Variants in PTBP3 observed in about 807,000 individuals in gnomAD.
PTBP3 encodes the protein polypyrimidine tract binding protein 3, also known as polypyrimidine tract-binding protein 3.
A neutral mutation model predicts 58.7 loss-of-function variants in PTBP3; 20 were observed. The ratio of observed to expected loss-of-function variants is 0.34; its 90% CI spans 0.24 to 0.50. The LOEUF (loss-of-function observed/expected upper bound fraction) is 0.50, where lower values mean the gene tolerates loss of function less well. PTBP3 is among the 20% of genes least tolerant of loss of function. The probability of loss-of-function intolerance (pLI) is 0.98; values close to 1 mark genes in which losing one functional copy is unlikely to be tolerated. For synonymous variants in PTBP3, 185 were observed against 219.8 expected, an observed-to-expected ratio of 0.84 and a Z score of 1.40; for missense variants, 509 against 637.2, an observed-to-expected ratio of 0.80 and a Z score of 2.17.
the PTBP3 span, among the ~76,000 whole-genome samples, chr9:112,371,016 T>G: frequency 3.3e-5 from 5 of 152,176 alleles, no homozygotes; most frequent in Non-Finnish European, 7.3e-5. Context: ...TAGTTTTTTT[T>G]TGTGGATTCC....
Position 112,227,554 on chromosome 9 carries a change from T to A in PTBP3, c.1221A>T (p.Val407=), listed in dbSNP as rs373610922. 1.4e-4 allele frequency: 222 copies of A among 1,613,902 alleles called. No homozygotes were observed. The highest frequency in any genetic ancestry group is 1.8e-4 in the Non-Finnish European group (212 of 1,179,940). The change falls in exon 12 of 14, where the codon GTA becomes GTT. Residue 407 remains valine, a synonymous_variant. Coordinates refer to ENST00000374257, the MANE Select transcript of PTBP3 (RefSeq NM_001163788.4). The stretch of plus-strand genomic sequence containing the variant: ...CTTCTTGTCCCTCTCGAGGAAGCTG[T>A]ACTGCTTGATGTTTGGACAGTGTAG... The part of the protein sequence containing the change: ...LRATLSKHQA[V]QLPREGQEDQ...
chr9:112,279,622 T>G (rs1195828555), intron 2 of PTBP3, among the ~76,000 whole-genome samples: 4 of 151,998 alleles, frequency 2.6e-5, no homozygotes, highest in East Asian at 4.0e-4. Flanking sequence ...AGTATCCCTT[T>G]GCAGTTAGTC....
At chr9:112,302,328 T>C (rs1429831851) in intron 1 of PTBP3, among the ~76,000 whole-genome samples, 1 of 152,048 alleles carries the variant, frequency 6.6e-6, no homozygotes, top group African/African-American at 2.4e-5. Context: ...AATACGGCAG[T>C]ATCTTGAAAG....
chr9:112,253,805 C>T (rs1246951737), intron 5 of PTBP3, among the ~76,000 whole-genome samples: 5 of 152,156 alleles, frequency 3.3e-5, no homozygotes, highest in East Asian at 1.9e-4. Context: ...GCTTCCCCTT[C>T]GCCTTCTGCC....
chr9:112,336,178 A>T (rs73547809), upstream of PTBP3, among the ~76,000 whole-genome samples: 7,153 of 152,158 alleles, frequency 0.047, 395 homozygotes, highest in African/African-American at 0.14. Flanking sequence ...CCAGCCTCAT[A>T]ATTTCATTTC....
chr9:112,340,771 C>T, the PTBP3 span, among the ~76,000 whole-genome samples: 1 of 151,892 alleles, frequency 6.6e-6, no homozygotes, highest in African/African-American at 2.4e-5. Context: ...CTCAGCTACT[C>T]AGGAGGCTGA....
chr9:112,301,617 T>C (rs1708952388), intron 1 of PTBP3, among the ~76,000 whole-genome samples: 1 of 152,098 alleles, frequency 6.6e-6, no homozygotes, highest in Admixed American at 6.6e-5. Flanking sequence ...GTGGAGGTGG[T>C]AGGTGATTAT....
rs909148872 is a variant in PTBP3, at chr9:112,262,672, T to C, written c.352-73A>G. ...TATGAATCCTAAAATTTAGTTGACA[T>C]AAAACAGTATGAAGCAATGTAGTTA... On this transcript the variant is annotated intron_variant, in intron 4 of 13. Coordinates refer to ENST00000374257, the MANE Select transcript of PTBP3 (RefSeq NM_001163788.4). 16 of 1,351,810 alleles carry C rather than the reference T, an allele frequency of 1.2e-5. No homozygotes were observed. In the East Asian group the frequency reaches 3.7e-4, roughly 32 times the overall value. 83.7% of individuals were successfully genotyped at this position (1,351,810 alleles called of 1,614,324 possible).
chr9:112,285,124 T>C (rs1564433647), intron 2 of PTBP3, among the ~76,000 whole-genome samples: 1 of 152,228 alleles, frequency 6.6e-6, no homozygotes. Flanking sequence ...GATTCCCATG[T>C]GTTGAGGGGG....
intron 7 of PTBP3, among the ~76,000 whole-genome samples, chr9:112,247,024 CA>C (rs1263025718): frequency 1.3e-5 from 2 of 151,902 alleles, no homozygotes; most frequent in Non-Finnish European, 2.9e-5. Flanking sequence ...TTTAAAAATC[CA>C]ACAGTCCAAC....
chr9:112,354,461 A>G, the PTBP3 span, among the ~76,000 whole-genome samples: 1 of 152,240 alleles, frequency 6.6e-6, no homozygotes, highest in African/African-American at 2.4e-5. Context: ...TCTGTGAAGA[A>G]TATGTTATTT....
the PTBP3 span, among the ~76,000 whole-genome samples, chr9:112,364,639 T>TA: frequency 6.6e-6 from 1 of 152,146 alleles, no homozygotes; most frequent in Non-Finnish European, 1.5e-5. Flanking sequence ...TCTCTATTTT[T>TA]AAAAAATTAA....
At chr9:112,257,318 T>A (rs1836411076) in intron 5 of PTBP3, among the ~76,000 whole-genome samples, 1 of 152,234 alleles carries the variant, frequency 6.6e-6, no homozygotes, top group Non-Finnish European at 1.5e-5. Context: ...GTGTGATTTT[T>A]AACACCCTTT....
At chr9:112,334,047 G>C (rs1830509225), upstream of PTBP3, among the ~76,000 whole-genome samples, 1 of 151,878 alleles carries the variant, frequency 6.6e-6, no homozygotes, top group Admixed American at 6.5e-5. Flanking sequence ...ACTCCCAAGA[G>C]TAGGAAGGAA....
At chr9:112,256,272 A>AATATATATACATATATATAT (rs1260010370) in intron 5 of PTBP3, among the ~76,000 whole-genome samples, 21 of 82,886 alleles carry the variant, frequency 2.5e-4, no homozygotes, top group African/African-American at 1.3e-3. Context: ...AAAAAAACAA[A>AATATATATACATATATATAT]ATATATATAT....
chr9:112,379,585 G>A, the PTBP3 span, among the ~76,000 whole-genome samples: 1 of 152,350 alleles, frequency 6.6e-6, no homozygotes, highest in South Asian at 2.1e-4. Flanking sequence ...CGGCGGGAGA[G>A]TGGAAACGCG....
the PTBP3 span, among the ~76,000 whole-genome samples, chr9:112,357,853 G>A: frequency 6.6e-6 from 1 of 152,046 alleles, no homozygotes; most frequent in African/African-American, 2.4e-5. Flanking sequence ...GAGGACATTT[G>A]GCAATTTCCA....
rs1724170989 is a variant in PTBP3 at position 112,223,105 on chromosome 9, A to G, written c.*746T>C. 1 of 869,022 alleles carries G rather than the reference A, an allele frequency of 1.2e-6. No individual in the cohort carries two copies. The highest frequency in any genetic ancestry group is 1.8e-5 in the African/African-American group (1 of 54,696). The allele number at this position is 869,022 out of a possible 1,614,324, so 53.8% of individuals were successfully genotyped here. A position where few individuals can be genotyped will look rare whatever the true frequency, so the allele number is the denominator to read the frequency against. Reference sequence around the variant, plus strand: ...TTAAAACATGATTTTTTCCTAATAAAATTATTAGTTATTCTGACATCTTAT... The same window carrying G: ...TTAAAACATGATTTTTTCCTAATAAGATTATTAGTTATTCTGACATCTTAT... On this transcript the variant is annotated 3_prime_UTR_variant, in exon 14 of 14. Coordinates refer to ENST00000374257, the MANE Select transcript of PTBP3 (RefSeq NM_001163788.4).
the PTBP3 span, among the ~76,000 whole-genome samples, chr9:112,350,787 ATTC>A: frequency 6.6e-6 from 1 of 151,934 alleles, no homozygotes; most frequent in Non-Finnish European, 1.5e-5. Context: ...CACTCAAATA[ATTC>A]TTCTTTCCTT....
Sources: allele counts gnomAD v4.1 joint callset (sites outside exome capture counted in the v4.1 genomes callset), GRCh38; gene constraint gnomAD v4.1.1; transcripts MANE v1.5; gene names NCBI Gene and HGNC (gene_info 2026-07-23, HGNC 2026-07-21).